The following RABEP1 variants were observed in gnomAD, a reference collection of about 807,000 sequenced individuals.
RABEP1 encodes rab GTPase-binding effector protein 1.
A neutral mutation model predicts 123.4 loss-of-function variants in RABEP1; 51 were observed. The observed-to-expected ratio is 0.41, with a 90% confidence interval of 0.33 to 0.52. The LOEUF (loss-of-function observed/expected upper bound fraction) is 0.52. Among genes scored for constraint, RABEP1 ranks in the 20% least tolerant of loss-of-function variants. The probability of loss-of-function intolerance (pLI) is 0.16; values close to 1 mark genes in which losing one functional copy is unlikely to be tolerated. For synonymous variants in RABEP1, 347 were observed against 355.2 expected (o/e 0.98, Z 0.26); for missense variants, 888 against 996.3 (o/e 0.89, Z 1.46).
intron 16 of RABEP1, 148 bp downstream of exon 16, chr17:5,380,610 T>TA (rs1480542673): frequency 4.2e-6 from 3 of 718,458 alleles, no homozygotes; most frequent in Non-Finnish European, 7.3e-6. Flanking sequence ...AGAAAAAACT[T>TA]AAACGAATTG....
intron 5 of RABEP1, among the ~76,000 whole-genome samples, chr17:5,342,574 C>A (rs1567533737): frequency 6.6e-6 from 1 of 152,168 alleles, no homozygotes; most frequent in Non-Finnish European, 1.5e-5. Context: ...CCACTGCACT[C>A]CAGCCTGGGC....
Position 5,385,308 on chromosome 17 carries a change from C to T in RABEP1, c.*2085C>T, listed in dbSNP as rs1415895026. 1 of 230,924 alleles carries T rather than the reference C, an allele frequency of 4.3e-6. No individual in the cohort carries two copies. The highest frequency in any genetic ancestry group is 8.6e-6 in the Non-Finnish European group (1 of 116,746). 14.3% of individuals were successfully genotyped at this position (230,924 alleles called of 1,614,324 possible). On this transcript the variant is annotated 3_prime_UTR_variant, in exon 18 of 18. Coordinates refer to ENST00000537505, the MANE Select transcript of RABEP1 (RefSeq NM_004703.6). ...GAAGGCAGGATTTAGCCCTTCTAGG[C>T]AAAAGAAAAGCTCAGTTGGGTTTCA...
In RABEP1 at chr17:5,361,304, T is replaced by G. The variant is rs1909510266; in HGVS notation, c.1192T>G (p.Phe398Val). 1.2e-6 allele frequency: 2 copies of G among 1,614,138 alleles called. No individual in the cohort carries two copies. ...DPFSKSDNDMFKDGLRRAQST... is the reference protein window; with the variant it reads ...DPFSKSDNDMVKDGLRRAQST... ...TTTCAGTAAATCGGACAATGACATG[T>G]TTAAAGATGGACTCAGGAGAGCACA... The change falls in exon 9 of 18, where the codon TTT (phenylalanine) becomes GTT (valine). Residue 398 changes from phenylalanine to valine, a missense_variant. Physicochemically the swap from Phe to Val is conservative, Grantham distance 50. Transcript: ENST00000537505.
intron 1 of RABEP1, among the ~76,000 whole-genome samples, chr17:5,305,312 T>G (rs1351695523): frequency 6.6e-6 from 1 of 152,192 alleles, no homozygotes; most frequent in Non-Finnish European, 1.5e-5. Flanking sequence ...CGATATACTC[T>G]CAAAAGATCA....
chr17:5,377,881 G>A (rs558047183), intron 14 of RABEP1, among the ~76,000 whole-genome samples: 3 of 152,224 alleles, frequency 2.0e-5, no homozygotes, highest in Admixed American at 2.0e-4. Flanking sequence ...TCATAGATAG[G>A]ATTCTCAGTA....
At chr17:5,347,980 TAG>T (rs1203970714) in intron 6 of RABEP1, among the ~76,000 whole-genome samples, 9 of 152,236 alleles carry the variant, frequency 5.9e-5, no homozygotes, top group Non-Finnish European at 8.8e-5. Flanking sequence ...CAATAAAAAA[TAG>T]AGTCTTTTTT....
At chr17:5,354,055 A>G (rs1241131601) in intron 7 of RABEP1, among the ~76,000 whole-genome samples, 4 of 151,980 alleles carry the variant, frequency 2.6e-5, no homozygotes, top group Non-Finnish European at 5.9e-5. Flanking sequence ...TTTTTTTTTC[A>G]AGGATCATTT....
At chr17:5,285,336 G>A (rs2074967956) in intron 1 of RABEP1, among the ~76,000 whole-genome samples, 1 of 130,942 alleles carries the variant, frequency 7.6e-6, no homozygotes, top group African/African-American at 2.9e-5. Context: ...GTCTCATTGT[G>A]TTGCCCAGTC....
chr17:5,286,149 C>T (rs1485511172), intron 1 of RABEP1, among the ~76,000 whole-genome samples: 2 of 152,140 alleles, frequency 1.3e-5, no homozygotes, highest in Non-Finnish European at 2.9e-5. Context: ...TGTAATCCTA[C>T]AAGCTCTGGA....
intron 2 of RABEP1, among the ~76,000 whole-genome samples, chr17:5,316,588 T>C (rs1054951089): frequency 8.6e-5 from 13 of 151,706 alleles, no homozygotes; most frequent in Non-Finnish European, 1.9e-4. Flanking sequence ...ATCCCAGCAC[T>C]TTGGGAGGCC....
chr17:5,330,368 C>T (rs1192406147), intron 2 of RABEP1, among the ~76,000 whole-genome samples: 4 of 152,178 alleles, frequency 2.6e-5, no homozygotes, highest in African/African-American at 9.7e-5. Context: ...GATTTCAAAA[C>T]AACTTAGCAT....
intron 5 of RABEP1, among the ~76,000 whole-genome samples, chr17:5,342,225 AAG>A (rs1491106865): frequency 2.0e-5 from 3 of 151,850 alleles, no homozygotes; most frequent in Admixed American, 6.5e-5. Context: ...AGTAAAAAAA[AAG>A]AAAAAAAAGA....
In RABEP1 at chr17:5,332,161, A is replaced by G. The variant is rs12941196; in HGVS notation, c.367+9A>G. ...TCAGGCTGTTATGAAAGGTAAAGACAGAGAAAGATCAATTTTGTGATTTTC... is the reference window on the plus strand; with the variant it reads ...TCAGGCTGTTATGAAAGGTAAAGACGGAGAAAGATCAATTTTGTGATTTTC... On this transcript the variant is annotated intron_variant, in intron 3 of 17. Coordinates refer to ENST00000537505, the MANE Select transcript of RABEP1 (RefSeq NM_004703.6). The G allele has an allele frequency of 0.033, 52,445 of 1,609,534 alleles. 1,085 individuals are homozygous for G. Among genetic ancestry groups the G allele is most frequent in the Non-Finnish European group, 0.039 (45,528 of 1,177,340 alleles).
At chr17:5,364,754 A>G (rs1163923852) in intron 10 of RABEP1, among the ~76,000 whole-genome samples, 1 of 151,822 alleles carries the variant, frequency 6.6e-6, no homozygotes, top group Non-Finnish European at 1.5e-5. Flanking sequence ...TTTGAGAGGC[A>G]TTTAGAGTTT....
At position 5,360,869 on chromosome 17, in the gene RABEP1, G is replaced by A. The variant is rs1292837995; in HGVS notation, c.1096-339G>A. 1.1e-5 allele frequency: 3 copies of A among 263,366 alleles called. No homozygotes were observed. In the Admixed American group the frequency reaches 1.5e-4, roughly 13 times the overall value. 16.3% of individuals were successfully genotyped at this position (263,366 alleles called of 1,614,324 possible). Reference sequence around the variant, plus strand: ...TGCAGGTGACGTTCCTCAACTGTTCGTATTTGGGAGCTCTTTGAGCTACCA... The same window carrying A: ...TGCAGGTGACGTTCCTCAACTGTTCATATTTGGGAGCTCTTTGAGCTACCA... On this transcript the variant is annotated intron_variant, in intron 8 of 17. Coordinates refer to ENST00000537505, the MANE Select transcript of RABEP1 (RefSeq NM_004703.6).
chr17:5,315,393 CAA>C (rs1157883540), intron 2 of RABEP1, among the ~76,000 whole-genome samples: 10 of 152,002 alleles, frequency 6.6e-5, no homozygotes, highest in African/African-American at 1.2e-4. Flanking sequence ...AATATAAAGA[CAA>C]AGAGGATGAA....
intron 2 of RABEP1, among the ~76,000 whole-genome samples, chr17:5,331,582 A>C (rs1299765789): frequency 6.6e-6 from 1 of 152,208 alleles, no homozygotes; most frequent in African/African-American, 2.4e-5. Context: ...TGTTTGTGGA[A>C]GGTAATGTAC....
intron 1 of RABEP1, among the ~76,000 whole-genome samples, chr17:5,290,803 C>T (rs749267207): frequency 2.2e-4 from 34 of 152,064 alleles, no homozygotes; most frequent in Non-Finnish European, 4.1e-4. Context: ...AACATGTTGC[C>T]CAGGCTGGTG....
At chr17:5,283,372 C>T (rs1184507484) in intron 1 of RABEP1, among the ~76,000 whole-genome samples, 1 of 151,844 alleles carries the variant, frequency 6.6e-6, no homozygotes, top group Non-Finnish European at 1.5e-5. Flanking sequence ...AGGGCCCCAT[C>T]CTAAATAATC....
Sources: allele counts gnomAD v4.1 joint callset (sites outside exome capture counted in the v4.1 genomes callset), GRCh38; gene constraint gnomAD v4.1.1; transcripts MANE v1.5; gene names NCBI Gene and HGNC (gene_info 2026-07-23, HGNC 2026-07-21).